The following CSMD3 variants were observed in gnomAD, a reference collection of about 807,000 sequenced individuals.
CSMD3 encodes CUB and Sushi multiple domains 3.
In CSMD3, 177 loss-of-function variants were observed where a neutral mutation model predicts 435.2. The observed-to-expected ratio is 0.41, with a 90% CI of 0.36 to 0.46. The LOEUF (loss-of-function observed/expected upper bound fraction) is 0.46, where lower values mean the gene tolerates loss of function less well. Ranked by LOEUF, CSMD3 falls within the 20% of genes least tolerant of loss-of-function variation. CSMD3 has a pLI of 0.34. For missense variants in CSMD3, 4,265 were observed against 4,504.6 expected, an observed-to-expected ratio of 0.95 and a Z score of 1.52; for synonymous variants, 1,656 against 1,520.5, an observed-to-expected ratio of 1.09 and a Z score of -2.07.
intron 1 of CSMD3, among the ~76,000 whole-genome samples, chr8:113,336,370 A>C (rs1310831479): frequency 6.6e-6 from 1 of 151,948 alleles, no homozygotes; most frequent in Non-Finnish European, 1.5e-5. Flanking sequence ...AGGCATTTTT[A>C]GCATGGCTGC....
chr8:112,818,835 T>G (rs552330276), intron 12 of CSMD3, among the ~76,000 whole-genome samples: 1 of 152,336 alleles, frequency 6.6e-6, no homozygotes, highest in Non-Finnish European at 1.5e-5. Context: ...GTGTGTTACC[T>G]TTCAACATTT....
intron 3 of CSMD3, among the ~76,000 whole-genome samples, chr8:113,248,873 C>T (rs749748003): frequency 4.6e-5 from 7 of 151,384 alleles, no homozygotes; most frequent in Non-Finnish European, 8.8e-5. Context: ...AATGTAACGG[C>T]GATTGCTGAA....
At chr8:112,846,839 T>C (rs911186353) in intron 11 of CSMD3, among the ~76,000 whole-genome samples, 131 of 152,100 alleles carry the variant, frequency 8.6e-4, no homozygotes, top group African/African-American at 2.9e-3. Flanking sequence ...ATAAGTACCA[T>C]TGGTAGGGGT....
chr8:112,781,356 A>G (rs532921828), intron 13 of CSMD3, among the ~76,000 whole-genome samples: 5 of 152,190 alleles, frequency 3.3e-5, no homozygotes, highest in Admixed American at 3.3e-4. Flanking sequence ...AAAAAAGAGG[A>G]AAAAGTAAAA....
intron 59 of CSMD3, among the ~76,000 whole-genome samples, chr8:112,268,916 C>G (rs1416153497): frequency 6.6e-6 from 1 of 152,138 alleles, no homozygotes; most frequent in Non-Finnish European, 1.5e-5. Context: ...TAAGCTTGAC[C>G]CTATTGACAT....
intron 32 of CSMD3, among the ~76,000 whole-genome samples, chr8:112,420,669 G>A (rs571304387): frequency 1.4e-4 from 21 of 152,052 alleles, no homozygotes; most frequent in Non-Finnish European, 2.5e-4. Flanking sequence ...AAACTCAATT[G>A]AACAAAATTT....
At chr8:113,289,120 A>G (rs2093666427) in intron 2 of CSMD3, among the ~76,000 whole-genome samples, 1 of 24,874 alleles carries the variant, frequency 4.0e-5, no homozygotes, top group African/African-American at 1.3e-4. Flanking sequence ...GGCAAAATGT[A>G]GATGAAATGG....
At chr8:113,105,882 TAA>T (rs34523132) in intron 4 of CSMD3, among the ~76,000 whole-genome samples, 6 of 150,708 alleles carry the variant, frequency 4.0e-5, no homozygotes, top group Middle Eastern at 3.4e-3. Context: ...AATATACAGT[TAA>T]AAAAAAAAGT....
chr8:113,131,665 C>T (rs2091287037), intron 4 of CSMD3, among the ~76,000 whole-genome samples: 1 of 152,102 alleles, frequency 6.6e-6, no homozygotes, highest in Non-Finnish European at 1.5e-5. Context: ...GTTGGAGACA[C>T]CACAGAGTCC....
At chr8:112,332,285 TGA>T (rs1824141893) in intron 45 of CSMD3, among the ~76,000 whole-genome samples, 1 of 147,702 alleles carries the variant, frequency 6.8e-6, no homozygotes, top group South Asian at 2.1e-4. Flanking sequence ...GTGATCACCA[TGA>T]GTTCAAATTA....
At chr8:113,236,159 G>A (rs2093146262) in intron 3 of CSMD3, among the ~76,000 whole-genome samples, 1 of 152,140 alleles carries the variant, frequency 6.6e-6, no homozygotes, top group South Asian at 2.1e-4. Context: ...TGATACATAT[G>A]TTACATGTTA....
Position 112,978,990 on chromosome 8 carries a change from A to G in CSMD3, c.1031-2842T>C, listed in dbSNP as rs1250735402. ...ATATGATTATAATTGTTACCATGCA[A>G]AAGTCGCATTTCAAACAGTGACATG... On this transcript the variant is annotated intron_variant, in intron 6 of 70. Coordinates refer to ENST00000297405, the MANE Select transcript of CSMD3 (RefSeq NM_198123.2). Among the ~76,000 whole-genome samples the G allele has an allele frequency of 3.3e-5, 5 of 151,974 alleles. No homozygotes were observed. The Admixed American group carries it at 3.3e-4, about 10-fold the overall frequency.
At chr8:113,266,851 C>CAACAGTG (rs1164620686) in intron 3 of CSMD3, among the ~76,000 whole-genome samples, 1 of 151,264 alleles carries the variant, frequency 6.6e-6, no homozygotes, top group African/African-American at 2.4e-5. Context: ...ATACTTCATC[C>CAACAGTG]AACAGTGAAC....
chr8:112,458,204 C>G (rs1210351177), intron 32 of CSMD3, among the ~76,000 whole-genome samples: 5 of 146,144 alleles, frequency 3.4e-5, no homozygotes, highest in Non-Finnish European at 7.6e-5. Context: ...TACACACACA[C>G]ACACTCACAC....
At position 113,436,739 on chromosome 8, in the gene CSMD3, C is replaced by T. The variant is rs2130153487; in HGVS notation, c.116G>A (p.Gly39Glu). The change falls in exon 1 of 71, where the codon GGG (glycine) becomes GAG (glutamate). Residue 39 changes from glycine (G) to glutamate (E), a missense_variant. By Grantham distance (98) the Gly-to-Glu change is moderately conservative. This residue lies in a region of CSMD3 where 731 missense variants were observed against 755.4 expected (regional missense o/e 0.97). Coordinates refer to ENST00000297405, the MANE Select transcript of CSMD3 (RefSeq NM_198123.2). ...RLDFILMKKM[G>E]IKSGFTFWNL... is the part of the protein sequence containing the mutation. ...CCAAAACGTAAATCCACTTTTAATC[C>T]CCATTTTCTTCATCAGGATGAAGTC... 6.2e-7 allele frequency: 1 copy of T among 1,614,132 alleles called. No individual in the cohort carries two copies. The highest frequency in any genetic ancestry group is 8.5e-7 in the Non-Finnish European group (1 of 1,180,014).
intron 28 of CSMD3, among the ~76,000 whole-genome samples, chr8:112,507,759 A>G (rs2130937477): frequency 6.6e-6 from 1 of 152,252 alleles, no homozygotes; most frequent in Admixed American, 6.5e-5. Context: ...ATGAGTTGAG[A>G]TATGTAATAT....
intron 33 of CSMD3, 44 bp downstream of exon 33, chr8:112,408,875 T>C (rs377013452): frequency 4.3e-6 from 7 of 1,612,632 alleles, no homozygotes; most frequent in African/African-American, 4.0e-5. Flanking sequence ...TCAAAGTCAG[T>C]CTTTAATCAG....
chr8:112,288,003 T>TGA (rs905001878), intron 57 of CSMD3, among the ~76,000 whole-genome samples: 46 of 145,638 alleles, frequency 3.2e-4, no homozygotes, highest in Admixed American at 2.7e-3. Flanking sequence ...TAATATACAT[T>TGA]GAGAGAGAGA....
chr8:112,978,882 C>T (rs1273640441), intron 6 of CSMD3, among the ~76,000 whole-genome samples: 2 of 151,582 alleles, frequency 1.3e-5, no homozygotes, highest in African/African-American at 2.4e-5. Flanking sequence ...GAACATTCAT[C>T]AGAAGAAATA....
Sources: gnomAD v4.1 joint callset for allele counts (sites outside exome capture counted in the v4.1 genomes callset) on GRCh38, gnomAD v4.1.1 for gene constraint, gnomAD v4.1.1 regional missense constraint, MANE v1.5 for transcripts, NCBI Gene and HGNC (gene_info 2026-07-23, HGNC 2026-07-21) for gene names.